Variants in OR10K2 observed in about 807,000 individuals in gnomAD.
The protein encoded by OR10K2 is olfactory receptor family 10 subfamily K member 2.
For synonymous variants in OR10K2, 169 were observed against 146.4 expected, an observed-to-expected ratio of 1.15 and a Z score of -1.11; for missense variants, 401 against 367.1, an observed-to-expected ratio of 1.09 and a Z score of -0.76.
Position 158,419,514 on chromosome 1 carries a change from G to A in OR10K2, c.*414C>T, listed in dbSNP as rs918733819. The stretch of plus-strand genomic sequence containing the variant: ...TTGGAGATGACGGGAAATGATCTAT[G>A]TTCCTGAACATAATGCTCAATTGCT... On this transcript the variant is annotated 3_prime_UTR_variant, in exon 2 of 2. Transcript: ENST00000641042. 7.0e-5 allele frequency: 11 copies of A among 156,518 alleles called. No homozygotes were observed. The highest frequency in any genetic ancestry group is 2.2e-4 in the African/African-American group (9 of 41,348). 9.7% of individuals were successfully genotyped at this position (156,518 alleles called of 1,614,324 possible). A position where few individuals can be genotyped will look rare whatever the true frequency, so the allele number is the denominator to read the frequency against.
rs1019741144 is a variant in OR10K2 at position 158,420,402 on chromosome 1, A to T, written c.465T>A (p.Val155=). 22 of 1,613,768 alleles carry T rather than the reference A, an allele frequency of 1.4e-5. No individual in the cohort carries two copies. The East Asian group carries it at 4.9e-4, about 36-fold the overall frequency. The change falls in exon 2 of 2, where the codon GTT becomes GTA. Residue 155 remains valine (V), a synonymous_variant. Coordinates refer to ENST00000641042, the MANE Select transcript of OR10K2 (RefSeq NM_001004476.2). ...ATACCAAGGATGTGATGATCTGTGC[A>T]ACAGTGAAGCCACAGGCACAGGCAG... ...VAAACACGFT[V]AQIITSLVFH...
At chr1:158,425,877 T>C (rs1017474450) in intron 1 of OR10K2, 56 bp downstream of exon 1, 2 of 152,132 alleles carry the variant, frequency 1.3e-5, no homozygotes, top group African/African-American at 4.8e-5. Context: ...ATTGTGAGTC[T>C]CTCTTTCTGT....
In OR10K2 at chr1:158,420,431, C is replaced by T. The variant is rs200677081; in HGVS notation, c.436G>A (p.Ala146Thr). 1 of 1,613,882 alleles carries T rather than the reference C, an allele frequency of 6.2e-7. No homozygotes were observed. Among genetic ancestry groups the T allele is most frequent in the Non-Finnish European group, 8.5e-7 (1 of 1,179,906 alleles). The change falls in exon 2 of 2, where the codon GCT becomes ACT. Residue 146 changes from alanine (A) to threonine (T), a missense_variant. Ala to Thr is a moderately conservative substitution (Grantham distance 58, BLOSUM62 0). Coordinates refer to ENST00000641042, the MANE Select transcript of OR10K2 (RefSeq NM_001004476.2). Reference sequence around the variant, plus strand: ...GTGAAGCCACAGGCACAGGCAGCAGCCACTAGTCCCATACACACCCCATGT... The same window carrying T: ...GTGAAGCCACAGGCACAGGCAGCAGTCACTAGTCCCATACACACCCCATGT... ...MGHGVCMGLV[A>T]AACACGFTVA...
In OR10K2 at chr1:158,420,905, G is replaced by T; in HGVS notation, c.-39C>A. On this transcript the variant is annotated 5_prime_UTR_variant, in exon 2 of 2. Transcript: ENST00000641042. ...TCAGGAGACAATTAGGGAGAGAAGAGGAGTCAGCACCAAAAGAAATCCCTG... is the reference window on the plus strand; with the variant it reads ...TCAGGAGACAATTAGGGAGAGAAGATGAGTCAGCACCAAAAGAAATCCCTG... 6.4e-7 allele frequency: 1 copy of T among 1,568,848 alleles called. No individual in the cohort carries two copies.
chr1:158,419,933 A>G lies in OR10K2; in HGVS notation c.934T>C (p.Leu312=). 6.2e-7 allele frequency: 1 copy of G among 1,607,108 alleles called. No individual in the cohort carries two copies. Among genetic ancestry groups the G allele is most frequent in the South Asian group, 1.1e-5 (1 of 90,542 alleles). The change falls in exon 2 of 2, where the codon TTG becomes CTG. Residue 312 remains leucine (L), a synonymous_variant. Transcript: ENST00000641042. ...CKIVRRTISL[L] ...GGCCAGAATCAAGATTAATTTTACA[A>G]CAGGGAAATTGTTCTTCTCACAATT...
At chr1:158,421,178 C>T (rs915441237) in intron 1 of OR10K2, among the ~76,000 whole-genome samples, 1 of 151,956 alleles carries the variant, frequency 6.6e-6, no homozygotes, top group Non-Finnish European at 1.5e-5. Flanking sequence ...GATTCTTAGC[C>T]TTTCACTCTT....
chr1:158,424,757 G>GTGTGTGT, intron 1 of OR10K2, among the ~76,000 whole-genome samples: 1 of 150,874 alleles, frequency 6.6e-6, no homozygotes, highest in South Asian at 2.1e-4. Context: ...GTGTGTGTGT[G>GTGTGTGT]GTGAGAAAGG....
intron 1 of OR10K2, among the ~76,000 whole-genome samples, chr1:158,425,134 A>G (rs967338005): frequency 1.6e-4 from 25 of 152,164 alleles, no homozygotes; most frequent in African/African-American, 5.8e-4. Context: ...GGATTTAATA[A>G]AATAAAGATC....
chr1:158,424,292 T>C (rs1157183460), intron 1 of OR10K2, among the ~76,000 whole-genome samples: 2 of 152,178 alleles, frequency 1.3e-5, no homozygotes, highest in African/African-American at 4.8e-5. Flanking sequence ...CCTTTTCTCT[T>C]CTTCTGTTTC....
rs997853099 is a variant in OR10K2 at position 158,419,772 on chromosome 1, G to A, written c.*156C>T. 12 of 606,940 alleles carry A rather than the reference G, an allele frequency of 2.0e-5. No individual in the cohort carries two copies. The highest frequency in any genetic ancestry group is 4.2e-5 in the South Asian group (2 of 47,786). 37.6% of individuals were successfully genotyped at this position (606,940 alleles called of 1,614,324 possible). On this transcript the variant is annotated 3_prime_UTR_variant, in exon 2 of 2. Transcript: ENST00000641042. ...ATTACAGGAGCCCACCACAGCATCCGGTTAATTTGTATATTTTTTGGTAGA... is the reference window on the plus strand; with the variant it reads ...ATTACAGGAGCCCACCACAGCATCCAGTTAATTTGTATATTTTTTGGTAGA...
chr1:158,425,445 C>T (rs1339308262), intron 1 of OR10K2, among the ~76,000 whole-genome samples: 6 of 152,080 alleles, frequency 3.9e-5, no homozygotes, highest in African/African-American at 1.4e-4. Context: ...TAATTACTTT[C>T]TCTTTTTTGG....
intron 1 of OR10K2, among the ~76,000 whole-genome samples, chr1:158,422,595 C>T (rs1655180124): frequency 6.6e-6 from 1 of 151,910 alleles, no homozygotes. Context: ...TAAAGATAAC[C>T]TTACAATTAT....
intron 1 of OR10K2, 129 bp downstream of exon 1, chr1:158,425,804 A>G (rs944542969): frequency 4.6e-5 from 7 of 152,084 alleles, no homozygotes; most frequent in Non-Finnish European, 1.0e-4. Context: ...TATATGCACA[A>G]TTTTGCAGAA....
Position 158,420,648 on chromosome 1 carries a change from G to A in OR10K2, c.219C>T (p.Tyr73=), listed in dbSNP as rs1393157397. The A allele has an allele frequency of 3.7e-6, 6 of 1,613,928 alleles. No individual in the cohort carries two copies. Among genetic ancestry groups the A allele is most frequent in the Middle Eastern group, 1.7e-4 (1 of 6,056 alleles). The change falls in exon 2 of 2, where the codon TAC becomes TAT. Residue 73 remains tyrosine, a synonymous_variant. Transcript: ENST00000641042. ...LAILSCSEIC[Y]TFIIVPKMLV... Reference sequence around the variant, plus strand: ...GCATCTTGGGTACAATGATGAAGGTGTAGCAAATCTCAGAGCAAGAGAGGA... The same window carrying A: ...GCATCTTGGGTACAATGATGAAGGTATAGCAAATCTCAGAGCAAGAGAGGA...
intron 1 of OR10K2, among the ~76,000 whole-genome samples, chr1:158,425,682 T>G (rs1259456923): frequency 1.3e-5 from 2 of 152,040 alleles, no homozygotes; most frequent in South Asian, 4.1e-4. Flanking sequence ...TTATTTAAAA[T>G]TTTTAATTAA....
rs771429734 is a variant in OR10K2 at position 158,420,043 on chromosome 1, GAT to G, written c.822_823del (p.Val276IlefsTer15). ...TGGAGTTATAATAGTGTAGGATACTGATATTAGAGCATCCTGGCTTGAGGAGT... is the reference window on the plus strand; with the variant it reads ...TGGAGTTATAATAGTGTAGGATACTGATTAGAGCATCCTGGCTTGAGGAGT... On this transcript the variant is annotated frameshift_variant, in exon 2 of 2. Coordinates refer to ENST00000641042, the MANE Select transcript of OR10K2 (RefSeq NM_001004476.2). LOFTEE classifies it low-confidence loss of function (END_TRUNC). 6.2e-7 allele frequency: 1 copy of G among 1,613,584 alleles called. No individual in the cohort carries two copies. The highest frequency in any genetic ancestry group is 2.2e-5 in the East Asian group (1 of 44,844).
At chr1:158,421,026 A>T in intron 1 of OR10K2, 99 bp from the exon 2 acceptor site, 1 of 699,176 alleles carries the variant, frequency 1.4e-6, no homozygotes, top group Non-Finnish European at 2.3e-6. Flanking sequence ...TTTTTCCAAG[A>T]CATGATGTTG....
At chr1:158,421,149 A>G (rs1261893304) in intron 1 of OR10K2, among the ~76,000 whole-genome samples, 1 of 152,024 alleles carries the variant, frequency 6.6e-6, no homozygotes, top group East Asian at 1.9e-4. Flanking sequence ...CTCCATTCCC[A>G]TCATGAGGCT....
Position 158,419,926 on chromosome 1 carries a change from T to C in OR10K2, c.*2A>G, listed in dbSNP as rs1440340336. On this transcript the variant is annotated 3_prime_UTR_variant, in exon 2 of 2. Transcript: ENST00000641042. ...TGCACCTGGCCAGAATCAAGATTAA[T>C]TTTACAACAGGGAAATTGTTCTTCT... 1 of 1,605,366 alleles carries C rather than the reference T, an allele frequency of 6.2e-7. No individual in the cohort carries two copies.
Sources: allele counts gnomAD v4.1 joint callset (sites outside exome capture counted in the v4.1 genomes callset), GRCh38; gene constraint gnomAD v4.1.1; transcripts MANE v1.5; gene names NCBI Gene and HGNC (gene_info 2026-07-23, HGNC 2026-07-21).